C8orf89: variants seen among roughly 807,000 people sequenced by gnomAD.
C8orf89 encodes the protein chromosome 8 open reading frame 89, also known as putative uncharacterized protein C8orf89.
A neutral mutation model predicts 15.8 loss-of-function variants in C8orf89; 14 were observed. The observed-to-expected ratio is 0.89, with a 90% CI of 0.59 to 1.39. The LOEUF is 1.39. Ranked by LOEUF, C8orf89 falls within the 40% of genes most tolerant of loss-of-function variation. The pLI, the probability that C8orf89 is intolerant of heterozygous loss-of-function variation, is 0.00. For synonymous variants in C8orf89, 55 were observed against 62.2 expected (o/e 0.88, Z 0.54); for missense variants, 181 against 184.5 (o/e 0.98, Z 0.11).
the C8orf89 span, among the ~76,000 whole-genome samples, chr8:73,281,556 C>T: frequency 2.0e-5 from 3 of 152,156 alleles, no homozygotes; most frequent in East Asian, 1.9e-4. Flanking sequence ...TAGTTCATTA[C>T]GATAAAGCTA....
At chr8:73,263,901 G>C (rs571562336), upstream of C8orf89, among the ~76,000 whole-genome samples, 62 of 152,228 alleles carry the variant, frequency 4.1e-4, no homozygotes, top group African/African-American at 1.4e-3. Context: ...GACTTATAAG[G>C]GTAGGTTCCT....
At chr8:73,271,527 C>T in the C8orf89 span, among the ~76,000 whole-genome samples, 1 of 152,178 alleles carries the variant, frequency 6.6e-6, no homozygotes, top group African/African-American at 2.4e-5. Flanking sequence ...TGATGCAACA[C>T]AAAAGCCCTT....
At chr8:73,245,556 A>AT (rs977832260) in intron 3 of C8orf89, among the ~76,000 whole-genome samples, 2 of 152,086 alleles carry the variant, frequency 1.3e-5, no homozygotes, top group African/African-American at 4.8e-5. Context: ...AATAAAAGGG[A>AT]TTTTTTAAAA....
chr8:73,282,428 C>T, the C8orf89 span, among the ~76,000 whole-genome samples: 10 of 151,890 alleles, frequency 6.6e-5, no homozygotes, highest in East Asian at 3.9e-4. Context: ...AAGATTTAGA[C>T]GGCAGAAATG....
chr8:73,275,965 C>G, the C8orf89 span, among the ~76,000 whole-genome samples: 5 of 152,182 alleles, frequency 3.3e-5, no homozygotes, highest in East Asian at 9.6e-4. Context: ...TTATTAACTA[C>G]CCCTGAGCCA....
At chr8:73,244,178 G>A (rs551032249) in intron 3 of C8orf89, among the ~76,000 whole-genome samples, 1 of 152,304 alleles carries the variant, frequency 6.6e-6, no homozygotes, top group African/African-American at 2.4e-5. Flanking sequence ...AACTGAAATA[G>A]CGTTAATCAA....
chr8:73,243,815 C>T (rs1813062956), intron 3 of C8orf89, among the ~76,000 whole-genome samples: 1 of 152,144 alleles, frequency 6.6e-6, no homozygotes, highest in Admixed American at 6.5e-5. Context: ...CAGGCATGAG[C>T]CACCGCACTC....
chr8:73,269,387 TCA>T, the C8orf89 span, among the ~76,000 whole-genome samples: 1 of 152,224 alleles, frequency 6.6e-6, no homozygotes, highest in African/African-American at 2.4e-5. Context: ...TGAAAACCTC[TCA>T]GTTAACCACC....
the C8orf89 span, among the ~76,000 whole-genome samples, chr8:73,274,766 T>C: frequency 5.9e-5 from 9 of 152,210 alleles, no homozygotes; most frequent in African/African-American, 2.2e-4. Context: ...AGTTGTTTGA[T>C]ATCTTATTAG....
the C8orf89 span, among the ~76,000 whole-genome samples, chr8:73,280,939 G>A: frequency 1.4e-4 from 21 of 151,908 alleles, no homozygotes; most frequent in East Asian, 1.4e-3. Flanking sequence ...AGCTACTTTC[G>A]CCAATCAAAA....
chr8:73,267,155 C>T, the C8orf89 span, among the ~76,000 whole-genome samples: 1 of 152,196 alleles, frequency 6.6e-6, no homozygotes, highest in African/African-American at 2.4e-5. Context: ...GTGCCTGAAA[C>T]TGTGGATAGT....
intron 2 of C8orf89, among the ~76,000 whole-genome samples, chr8:73,250,667 A>G (rs1813227371): frequency 6.6e-6 from 1 of 152,186 alleles, no homozygotes; most frequent in East Asian, 1.9e-4. Context: ...TTACCTATCA[A>G]TCACCTCAAT....
chr8:73,278,663 CTTA>C, the C8orf89 span, among the ~76,000 whole-genome samples: 4 of 152,152 alleles, frequency 2.6e-5, no homozygotes, highest in African/African-American at 9.7e-5. Flanking sequence ...TGTTTTGATT[CTTA>C]TTGTTGAGAA....
At position 73,258,976 on chromosome 8, in the gene C8orf89, G is replaced by A. The variant is rs77059284; in HGVS notation, c.127+356C>T. On this transcript the variant is annotated intron_variant, in intron 1 of 3. Transcript: ENST00000624510. Reference sequence around the variant, plus strand: ...TAACAGCACTGTTAAAGATTTGGATGTCTTAAAATATAAAAATCACCTTGA... The same window carrying A: ...TAACAGCACTGTTAAAGATTTGGATATCTTAAAATATAAAAATCACCTTGA... 6.8e-3 allele frequency among the ~76,000 whole-genome samples: 1,033 copies of A among 152,158 alleles called. 10 individuals carry two copies. The highest frequency in any genetic ancestry group is 0.023 in the African/African-American group (947 of 41,504).
chr8:73,256,983 A>C lies in C8orf89; in HGVS notation c.271T>G (p.Ser91Ala), dbSNP rs1813407279. ...KRLPRADAEVSAVRLKKTKET... is the reference protein window; with the variant it reads ...KRLPRADAEVAAVRLKKTKET... The stretch of plus-strand genomic sequence containing the variant: ...ATAGCAATGATCTACCTGACTGCAG[A>C]CACCTCGGCATCAGCACGTGGCAGT... Residue 91 changes from serine (S) to alanine (A), a missense_variant, in exon 2 of 4, where the codon TCT (serine) becomes GCT (alanine). Ser to Ala is a moderately conservative substitution (Grantham distance 99, BLOSUM62 1). Transcript: ENST00000624510. 20 of 1,534,184 alleles carry C rather than the reference A, an allele frequency of 1.3e-5. No individual in the cohort carries two copies. The highest frequency in any genetic ancestry group is 1.7e-5 in the Non-Finnish European group (19 of 1,146,080).
the C8orf89 span, among the ~76,000 whole-genome samples, chr8:73,274,318 A>AT: frequency 6.6e-6 from 1 of 151,932 alleles, no homozygotes; most frequent in African/African-American, 2.4e-5. Flanking sequence ...CGCCTGGCTA[A>AT]TTTTTTGTAT....
chr8:73,263,512 T>C (rs533266737), upstream of C8orf89, among the ~76,000 whole-genome samples: 1 of 152,218 alleles, frequency 6.6e-6, no homozygotes, highest in East Asian at 1.9e-4. Context: ...AGACTTCATC[T>C]CAAAAAATAA....
chr8:73,275,231 C>CTTTTT, the C8orf89 span, among the ~76,000 whole-genome samples: 10 of 84,744 alleles, frequency 1.2e-4, no homozygotes, highest in Non-Finnish European at 1.5e-4. Context: ...TGTAATAGTT[C>CTTTTT]TTTTTTTTTT....
the C8orf89 span, chr8:73,277,605 C>A: frequency 2.6e-6 from 2 of 762,366 alleles, no homozygotes; most frequent in East Asian, 2.5e-5. Flanking sequence ...TAAACATCAT[C>A]TTCTGCCTTT....
Sources: gnomAD v4.1 joint callset for allele counts (sites outside exome capture counted in the v4.1 genomes callset) on GRCh38, gnomAD v4.1.1 for gene constraint, MANE v1.5 for transcripts, NCBI Gene and HGNC (gene_info 2026-07-23, HGNC 2026-07-21) for gene names.